CYP7B1: variants seen among roughly 807,000 people sequenced by gnomAD.
CYP7B1 encodes cytochrome P450 family 7 subfamily B member 1.
In CYP7B1, 29 loss-of-function variants were observed where a neutral mutation model predicts 42.7. The observed-to-expected ratio is 0.68, with a 90% CI of 0.51 to 0.93. CYP7B1 has a LOEUF of 0.93. CYP7B1 is among the 40% of genes least tolerant of loss of function. The pLI is 0.00. For synonymous variants in CYP7B1, 235 were observed against 218.2 expected (o/e 1.08, Z -0.68); for missense variants, 655 against 600.5 (o/e 1.09, Z -0.95).
Position 64,736,938 on chromosome 8 carries a change from G to C in CYP7B1, c.122+61528C>G, listed in dbSNP as rs540436900. 2.0e-5 allele frequency among the ~76,000 whole-genome samples: 3 copies of C among 152,162 alleles called. No individual in the cohort carries two copies. The South Asian group carries it at 6.2e-4, about 32-fold the overall frequency. On this transcript the variant is annotated intron_variant, in intron 1 of 5. Transcript: ENST00000310193. ...AACTGTAAAATCTCTAAGGACAGAG[G>C]CATGTCTATCTTTTCTACCCTTATA...
intron 1 of CYP7B1, among the ~76,000 whole-genome samples, chr8:64,662,973 C>T (rs1435843400): frequency 6.6e-6 from 1 of 152,122 alleles, no homozygotes; most frequent in Non-Finnish European, 1.5e-5. Flanking sequence ...CTTTGTTCTA[C>T]TCCTATACTC....
intron 1 of CYP7B1, among the ~76,000 whole-genome samples, chr8:64,720,652 T>C (rs1467132044): frequency 2.0e-5 from 3 of 152,194 alleles, no homozygotes; most frequent in East Asian, 1.9e-4. Flanking sequence ...ATAACTTTAA[T>C]TCATACATCT....
chr8:64,587,923 C>T (rs994484866), downstream of CYP7B1: 1 of 152,186 alleles, frequency 6.6e-6, no homozygotes, highest in African/African-American at 2.4e-5. Flanking sequence ...CAAGTCACCA[C>T]CATGCTTGGA....
intron 1 of CYP7B1, among the ~76,000 whole-genome samples, chr8:64,647,962 C>G (rs1246385139): frequency 1.3e-5 from 2 of 152,200 alleles, no homozygotes; most frequent in African/African-American, 4.8e-5. Context: ...GATGGCTACT[C>G]TTAGCTTTAT....
chr8:64,693,885 G>A (rs1444931906), intron 1 of CYP7B1, among the ~76,000 whole-genome samples: 3 of 152,192 alleles, frequency 2.0e-5, no homozygotes, highest in African/African-American at 7.2e-5. Flanking sequence ...CCCATTTTAA[G>A]AAGAGAAAAC....
intron 5 of CYP7B1, among the ~76,000 whole-genome samples, chr8:64,600,145 G>A (rs1038533806): frequency 3.3e-5 from 5 of 152,156 alleles, no homozygotes; most frequent in African/African-American, 9.7e-5. Flanking sequence ...ATGATGAGTC[G>A]ATGAATATTC....
intron 1 of CYP7B1, among the ~76,000 whole-genome samples, chr8:64,787,403 C>T (rs1804545947): frequency 6.6e-6 from 1 of 152,192 alleles, no homozygotes. Context: ...GGCAAAATGC[C>T]ACCAGACTCT....
chr8:64,732,652 G>T (rs557865851), intron 1 of CYP7B1, among the ~76,000 whole-genome samples: 1 of 152,166 alleles, frequency 6.6e-6, no homozygotes, highest in South Asian at 2.1e-4. Flanking sequence ...GAGGGGCCGG[G>T]GACAGAATGA....
chr8:64,744,683 AC>A (rs1164122306), intron 1 of CYP7B1, among the ~76,000 whole-genome samples: 3 of 152,152 alleles, frequency 2.0e-5, no homozygotes, highest in African/African-American at 7.2e-5. Flanking sequence ...TACTCTGCAA[AC>A]CCATGAATTG....
intron 1 of CYP7B1, among the ~76,000 whole-genome samples, chr8:64,770,915 A>T (rs753645345): frequency 1.3e-5 from 2 of 152,184 alleles, no homozygotes; most frequent in Admixed American, 1.3e-4. Flanking sequence ...GCATCTAAAA[A>T]TTTGAAGCTG....
intron 4 of CYP7B1, among the ~76,000 whole-genome samples, chr8:64,614,811 G>A (rs144886052): frequency 4.2e-4 from 64 of 152,190 alleles, no homozygotes; most frequent in African/African-American, 1.2e-3. Flanking sequence ...TTAGCCTTTT[G>A]CATACCTTGC....
chr8:64,781,848 C>A (rs1804429005), intron 1 of CYP7B1, among the ~76,000 whole-genome samples: 1 of 152,184 alleles, frequency 6.6e-6, no homozygotes, highest in South Asian at 2.1e-4. Flanking sequence ...AATGGATCTA[C>A]AACCAAAAAC....
intron 2 of CYP7B1, among the ~76,000 whole-genome samples, chr8:64,620,671 C>A (rs556859263): frequency 2.4e-4 from 37 of 152,318 alleles, no homozygotes; most frequent in Non-Finnish European, 4.7e-4. Flanking sequence ...CTTCATTTCA[C>A]ATTTTCTAAA....
chr8:64,797,273 A>G (rs1050729214), intron 1 of CYP7B1, among the ~76,000 whole-genome samples: 16 of 152,164 alleles, frequency 1.1e-4, no homozygotes, highest in Non-Finnish European at 1.9e-4. Flanking sequence ...GTAAAGTGGG[A>G]ATAGAACCAA....
chr8:64,596,907 A>G lies in CYP7B1; in HGVS notation c.1256T>C (p.Ile419Thr), dbSNP rs778082094. 1.6e-5 allele frequency: 25 copies of G among 1,612,076 alleles called. No homozygotes were observed. Among genetic ancestry groups the G allele is most frequent in the Admixed American group, 6.7e-5 (4 of 59,928 alleles). The change falls in exon 6 of 6, where the codon ATA becomes ACA. Residue 419 changes from isoleucine (I) to threonine (T), a missense_variant. Ile to Thr is a moderately conservative substitution (Grantham distance 89, BLOSUM62 -1). Coordinates refer to ENST00000310193, the MANE Select transcript of CYP7B1 (RefSeq NM_004820.5). The part of the protein sequence containing the change: ...APEEFRYDRF[I>T]EDGKKKTTFF... ...GGTGGTTTTCTTCTTACCATCTTCT[A>G]TAAAACGATCATATCTAAACTCCTG...
chr8:64,702,263 TTAACTC>T (rs1371298517), intron 1 of CYP7B1, among the ~76,000 whole-genome samples: 2 of 152,020 alleles, frequency 1.3e-5, no homozygotes, highest in African/African-American at 2.4e-5. Context: ...GGTAAAAACA[TTAACTC>T]TATAGTAGTT....
chr8:64,729,211 T>G (rs1027024002), intron 1 of CYP7B1, among the ~76,000 whole-genome samples: 2 of 152,118 alleles, frequency 1.3e-5, no homozygotes, highest in African/African-American at 4.8e-5. Flanking sequence ...CTAATGTAAA[T>G]ATGTATTTCA....
intron 1 of CYP7B1, among the ~76,000 whole-genome samples, chr8:64,711,802 T>C (rs1249093093): frequency 1.3e-5 from 2 of 152,334 alleles, no homozygotes; most frequent in South Asian, 2.1e-4. Flanking sequence ...TACTCAGTCA[T>C]CAAATCAACA....
At chr8:64,782,854 T>C (rs1804452655) in intron 1 of CYP7B1, among the ~76,000 whole-genome samples, 1 of 152,230 alleles carries the variant, frequency 6.6e-6, no homozygotes, top group Non-Finnish European at 1.5e-5. Context: ...AGGGTCATCA[T>C]GTTTTTATTA....
Sources: gnomAD v4.1 joint callset for allele counts (sites outside exome capture counted in the v4.1 genomes callset) on GRCh38, gnomAD v4.1.1 for gene constraint, MANE v1.5 for transcripts, NCBI Gene and HGNC (gene_info 2026-07-23, HGNC 2026-07-21) for gene names.